PIEZO1: variants seen among roughly 807,000 people sequenced by gnomAD.
PIEZO1 encodes piezo type mechanosensitive ion channel component 1 (Er blood group).
In PIEZO1, 296 loss-of-function variants were observed where a neutral mutation model predicts 297.2. The observed-to-expected ratio is 1.00, with a 90% CI of 0.91 to 1.10. PIEZO1 has a LOEUF of 1.10. Among genes scored for constraint, PIEZO1 ranks in the 50% least tolerant of loss-of-function variants. The pLI is 0.00. For missense variants in PIEZO1, 5,018 were observed against 3,455.5 expected (o/e 1.45, Z -11.34); for synonymous variants, 2,427 against 1,507.5 (o/e 1.61, Z -14.13).
At chr16:88,779,283 C>G (rs961492533) in intron 1 of PIEZO1, among the ~76,000 whole-genome samples, 148 of 152,278 alleles carry the variant, frequency 9.7e-4, no homozygotes, top group African/African-American at 3.4e-3. Context: ...AGGTGATCCA[C>G]CTGCCTCGGC....
At chr16:88,749,260 T>C in intron 2 of PIEZO1, 124 bp downstream of exon 2, 2 of 604,014 alleles carry the variant, frequency 3.3e-6, no homozygotes, top group Non-Finnish European at 5.4e-6. Flanking sequence ...AAAAATTTTA[T>C]TTCGGGACCC....
intron 35 of PIEZO1, 72 bp downstream of exon 35, chr16:88,722,511 G>A (rs1160828376): frequency 8.9e-5 from 128 of 1,430,728 alleles, no homozygotes; most frequent in Non-Finnish European, 1.2e-4. Flanking sequence ...GGAATGGCGA[G>A]GGTCGGGGAT....
At chr16:88,725,731 A>G in intron 27 of PIEZO1, 47 bp from the exon 28 acceptor site, 1 of 993,464 alleles carries the variant, frequency 1.0e-6, no homozygotes. Context: ...ACTCGACCCC[A>G]GCAACATGGG....
In PIEZO1 at chr16:88,724,999, T is replaced by A; in HGVS notation, c.4234+10A>T. On this transcript the variant is annotated intron_variant, in intron 30 of 50. Coordinates refer to ENST00000301015, the MANE Select transcript of PIEZO1 (RefSeq NM_001142864.4). ...GAGAGGGTGGCCACAGGCGGCCTAA[T>A]TGGGGGTACCTGTGGCGTGGTCCAG... 4 of 1,460,414 alleles carry A rather than the reference T, an allele frequency of 2.7e-6. No homozygotes were observed. Among genetic ancestry groups the A allele is most frequent in the Middle Eastern group, 2.0e-4 (1 of 5,026 alleles). 90.5% of individuals were successfully genotyped at this position (1,460,414 alleles called of 1,614,324 possible).
In PIEZO1 at chr16:88,717,827, A is replaced by C. The variant is rs1425516435; in HGVS notation, c.6472-616T>G. ...AATGTATCTGCAGAAAAACAGAAAAAACTCTAATAAAAAACAACCCAACTG... is the reference window on the plus strand; with the variant it reads ...AATGTATCTGCAGAAAAACAGAAAACACTCTAATAAAAAACAACCCAACTG... On this transcript the variant is annotated intron_variant, in intron 44 of 50. Transcript: ENST00000301015. 3 of 442,550 alleles carry C rather than the reference A, an allele frequency of 6.8e-6. No individual in the cohort carries two copies. In the Admixed American group the frequency reaches 7.7e-5, roughly 11 times the overall value. 27.4% of individuals were successfully genotyped at this position (442,550 alleles called of 1,614,324 possible). A position where few individuals can be genotyped will look rare whatever the true frequency, so the allele number is the denominator to read the frequency against.
rs1236012452 is a variant in PIEZO1 at position 88,720,397 on chromosome 16, G to A, written c.5937C>T (p.Phe1979=). The change falls in exon 41 of 51, where the codon TTC becomes TTT. Residue 1979 remains phenylalanine, a synonymous_variant. Coordinates refer to ENST00000301015, the MANE Select transcript of PIEZO1 (RefSeq NM_001142864.4). ...VVDFIIIIFG[F]WAFGKHSAAT... ...GGGCCTGGCTCACCCCAAAGGCCCA[G>A]AAGCCAAAAATGATGATGATGAAGT... is the stretch of plus-strand genomic sequence containing the variant. 4 of 1,550,126 alleles carry A rather than the reference G, an allele frequency of 2.6e-6. No individual in the cohort carries two copies. The African/African-American group carries it at 4.1e-5, about 16-fold the overall frequency.
chr16:88,765,673 T>A (rs910272182), intron 1 of PIEZO1, among the ~76,000 whole-genome samples: 10 of 150,354 alleles, frequency 6.7e-5, no homozygotes, highest in African/African-American at 2.4e-4. Flanking sequence ...CTCTAATTTT[T>A]TTTTTTTTTT....
chr16:88,726,645 TG>T lies in PIEZO1; in HGVS notation c.3700-3del, dbSNP rs1481804562. The T allele has an allele frequency of 2.6e-5, 33 of 1,266,994 alleles. No individual in the cohort carries two copies. The highest frequency in any genetic ancestry group is 3.3e-5 in the Non-Finnish European group (32 of 963,264). The allele number at this position is 1,266,994 out of a possible 1,614,324, so 78.5% of individuals were successfully genotyped here. A position where few individuals can be genotyped will look rare whatever the true frequency, so the allele number is the denominator to read the frequency against. ...CTCCACGAAGACGCAGGCCAGGAGC[TG>T]GGGGAGAGCAGGGTCAGCGGGGCCA... is the stretch of plus-strand genomic sequence containing the variant. On this transcript the variant is annotated splice_polypyrimidine_tract_variant and splice_region_variant and intron_variant, in intron 25 of 50. Transcript: ENST00000301015.
chr16:88,715,890 G>C (rs1852473484), intron 50 of PIEZO1, 36 bp from the exon 51 acceptor site: 4 of 1,541,994 alleles, frequency 2.6e-6, no homozygotes, highest in African/African-American at 2.8e-5. Context: ...GGGCCGCCCG[G>C]AGCCCCCCGA....
At position 88,721,723 on chromosome 16, in the gene PIEZO1, C is replaced by A; in HGVS notation, c.5218G>T (p.Ala1740Ser). 2 of 1,539,210 alleles carry A rather than the reference C, an allele frequency of 1.3e-6. No individual in the cohort carries two copies. Among genetic ancestry groups the A allele is most frequent in the African/African-American group, 1.4e-5 (1 of 72,882 alleles). ...TGGAACAGGTACTTGACGACCACCG[C>A]GATCTGTGGGGGAGGGGGCTCAGCA... ...WMTAIVFTEI[A>S]VVVKYLFQFG... Residue 1740 changes from alanine to serine, a missense_variant, in exon 38 of 51, where the codon GCG becomes TCG. Coordinates refer to ENST00000301015, the MANE Select transcript of PIEZO1 (RefSeq NM_001142864.4).
Position 88,721,737 on chromosome 16 carries a change from G to A in PIEZO1, c.5215-11C>T. On this transcript the variant is annotated splice_polypyrimidine_tract_variant and intron_variant, in intron 37 of 50. Transcript: ENST00000301015. ...GACGACCACCGCGATCTGTGGGGGAGGGGGCTCAGCACGCGGGGAGGGTCA... is the reference window on the plus strand; with the variant it reads ...GACGACCACCGCGATCTGTGGGGGAAGGGGCTCAGCACGCGGGGAGGGTCA... 6.5e-7 allele frequency: 1 copy of A among 1,537,502 alleles called. No homozygotes were observed. Among genetic ancestry groups the A allele is most frequent in the Non-Finnish European group, 8.8e-7 (1 of 1,140,886 alleles).
intron 5 of PIEZO1, chr16:88,741,056 C>A (rs566723859): frequency 5.8e-4 from 92 of 157,420 alleles, no homozygotes; most frequent in Non-Finnish European, 1.2e-3. Flanking sequence ...GGGGTCCAGG[C>A]CCCTGCTGGG....
Position 88,725,514 on chromosome 16 carries a change from T to C in PIEZO1, c.4064A>G (p.Glu1355Gly). ...CTTCTCCTGCTTGGCACGGATACGC[T>C]CCATCCTGTGGTGGGGAAAGGTGGG... The part of the protein sequence containing the change: ...KSLAQLKRQM[E>G]RIRAKQEKHR... The change falls in exon 29 of 51, where the codon GAG becomes GGG. Residue 1355 changes from glutamate to glycine, a missense_variant. Transcript: ENST00000301015. The C allele has an allele frequency of 2.0e-6, 3 of 1,536,384 alleles. No individual in the cohort carries two copies. The highest frequency in any genetic ancestry group is 2.6e-6 in the Non-Finnish European group (3 of 1,138,508).
chr16:88,724,956 T>G, intron 30 of PIEZO1, 53 bp downstream of exon 30: 1 of 1,140,988 alleles, frequency 8.8e-7, no homozygotes, highest in Non-Finnish European at 1.2e-6. Context: ...AGAGGACAGA[T>G]GGGGGCACAG....
chr16:88,756,990 G>A (rs1906694296), intron 1 of PIEZO1, among the ~76,000 whole-genome samples: 1 of 151,506 alleles, frequency 6.6e-6, no homozygotes, highest in African/African-American at 2.4e-5. Context: ...GCAGGAGAAT[G>A]GCGTGAACCC....
intron 1 of PIEZO1, among the ~76,000 whole-genome samples, chr16:88,767,570 G>A (rs1907233300): frequency 6.6e-6 from 1 of 152,170 alleles, no homozygotes; most frequent in South Asian, 2.1e-4. Context: ...GACCCCAAGA[G>A]CCACATACCA....
Position 88,720,690 on chromosome 16 carries a change from T to G in PIEZO1, c.5727A>C (p.Arg1909Ser), listed in dbSNP as rs945128273. ...GEEEKEAPTG[R>S]EKRPSRSGGR... ...CTCCAGAGCGGCTTGGCCTCTTCTC[T>G]CTCCCCGTGGGGGCCTCTTTCTCTT... The change falls in exon 40 of 51, where the codon AGA (arginine) becomes AGC (serine). Residue 1909 changes from arginine to serine, a missense_variant. Arg to Ser is a moderately radical substitution (Grantham distance 110). Transcript: ENST00000301015. The G allele has an allele frequency of 2.6e-6, 4 of 1,541,654 alleles. No individual in the cohort carries two copies. Among genetic ancestry groups the G allele is most frequent in the Non-Finnish European group, 3.5e-6 (4 of 1,143,074 alleles).
chr16:88,729,925 T>A (rs1011826430), intron 22 of PIEZO1, among the ~76,000 whole-genome samples: 1 of 143,938 alleles, frequency 6.9e-6, no homozygotes, highest in Non-Finnish European at 1.5e-5. Context: ...AAAACAAAGT[T>A]ACCCTCGATG....
At chr16:88,746,656 C>G (rs187676881) in intron 2 of PIEZO1, among the ~76,000 whole-genome samples, 11 of 152,326 alleles carry the variant, frequency 7.2e-5, no homozygotes, top group Non-Finnish European at 1.5e-4. Context: ...ACTTTCCTCT[C>G]TCCCTCCCGG....
Sources: allele counts gnomAD v4.1 joint callset (sites outside exome capture counted in the v4.1 genomes callset), GRCh38; gene constraint gnomAD v4.1.1; transcripts MANE v1.5; gene names NCBI Gene and HGNC (gene_info 2026-07-23, HGNC 2026-07-21).